The following C12orf42 variants were observed in gnomAD, a reference collection of about 807,000 sequenced individuals.
C12orf42 encodes uncharacterized protein C12orf42.
A neutral mutation model predicts 21.6 loss-of-function variants in C12orf42; 25 were observed. That is an observed-to-expected ratio of 1.16 (90% CI 0.84 to 1.62). The LOEUF is 1.62. Among genes scored for constraint, C12orf42 ranks in the 40% most tolerant of loss-of-function variants. The pLI, the probability that C12orf42 is intolerant of heterozygous loss-of-function variation, is 0.00. For missense variants in C12orf42, 483 were observed against 459.3 expected, an observed-to-expected ratio of 1.05 and a Z score of -0.47; for synonymous variants, 174 against 175.0, an observed-to-expected ratio of 0.99 and a Z score of 0.05.
At chr12:103,419,894 T>A (rs2049717723) in intron 2 of C12orf42, among the ~76,000 whole-genome samples, 3 of 152,176 alleles carry the variant, frequency 2.0e-5, no homozygotes, top group Admixed American at 2.0e-4. Flanking sequence ...AAACTAAATG[T>A]GTGCAAAGGG....
the C12orf42 span, among the ~76,000 whole-genome samples, chr12:103,524,930 A>C: frequency 2.6e-5 from 3 of 117,516 alleles, no homozygotes; most frequent in South Asian, 9.2e-4. Context: ...GGCTGGCCCA[A>C]CTAAATTGGA....
the C12orf42 span, among the ~76,000 whole-genome samples, chr12:103,502,358 T>C: frequency 2.0e-5 from 3 of 152,138 alleles, 1 homozygote; most frequent in Admixed American, 2.0e-4. Context: ...TTTTAAAAAA[T>C]AAATCAGATC....
chr12:103,433,459 T>C (rs1401628545), intron 2 of C12orf42, among the ~76,000 whole-genome samples: 1 of 152,216 alleles, frequency 6.6e-6, no homozygotes, highest in Non-Finnish European at 1.5e-5. Flanking sequence ...TGCCTCATAA[T>C]ATGATGCAAC....
At chr12:103,191,543 C>CAAAAAAAAAAAAAAAAAAAAAAAAAAAA in the C12orf42 span, among the ~76,000 whole-genome samples, 2 of 58,104 alleles carry the variant, frequency 3.4e-5, no homozygotes, top group Non-Finnish European at 5.8e-5. Context: ...CTCCACTCTA[C>CAAAAAAAAAAAAAAAAAAAAAAAAAAAA]AAAAAAAAAA....
chr12:103,542,458 G>A, the C12orf42 span, among the ~76,000 whole-genome samples: 2 of 152,228 alleles, frequency 1.3e-5, no homozygotes, highest in African/African-American at 4.8e-5. Context: ...ATCGATGCAG[G>A]TTTCAAGGCT....
At chr12:103,290,703 A>G (rs376420901) in intron 4 of C12orf42, among the ~76,000 whole-genome samples, 20 of 152,230 alleles carry the variant, frequency 1.3e-4, no homozygotes, top group East Asian at 5.8e-4. Flanking sequence ...CACACATTAT[A>G]GAAAGGTAAG....
At chr12:103,442,620 T>G (rs1951321467) in intron 2 of C12orf42, among the ~76,000 whole-genome samples, 1 of 152,178 alleles carries the variant, frequency 6.6e-6, no homozygotes, top group Admixed American at 6.5e-5. Context: ...TGATATACAC[T>G]GCATTATCAT....
At chr12:103,371,802 G>A (rs539808185) in intron 3 of C12orf42, among the ~76,000 whole-genome samples, 2 of 152,132 alleles carry the variant, frequency 1.3e-5, no homozygotes, top group Non-Finnish European at 2.9e-5. Flanking sequence ...CTCTATACAA[G>A]CTAGGGCAAC....
At chr12:103,549,327 C>T in the C12orf42 span, among the ~76,000 whole-genome samples, 1 of 152,104 alleles carries the variant, frequency 6.6e-6, no homozygotes, top group East Asian at 1.9e-4. Flanking sequence ...GCAGGGAGGT[C>T]CCATGCGTGT....
At chr12:103,477,276 T>C (rs1954125421) in intron 2 of C12orf42, among the ~76,000 whole-genome samples, 1 of 151,732 alleles carries the variant, frequency 6.6e-6, no homozygotes, top group South Asian at 2.1e-4. Flanking sequence ...GGCAGAGATA[T>C]GAACAAAGTA....
intron 3 of C12orf42, among the ~76,000 whole-genome samples, chr12:103,396,064 ATTATG>A (rs2047505440): frequency 6.7e-6 from 1 of 149,530 alleles, no homozygotes; most frequent in African/African-American, 2.5e-5. Flanking sequence ...TATATCAACT[ATTATG>A]TTATAACTTT....
the C12orf42 span, among the ~76,000 whole-genome samples, chr12:103,099,319 C>T: frequency 7.9e-5 from 12 of 152,330 alleles, no homozygotes; most frequent in African/African-American, 2.9e-4. Context: ...ATTTACTCAT[C>T]TCTATGTGTT....
chr12:103,523,631 A>G, the C12orf42 span, among the ~76,000 whole-genome samples: 144 of 151,170 alleles, frequency 9.5e-4, no homozygotes, highest in South Asian at 8.8e-3. Context: ...ATATATGTAT[A>G]TATATGTAGT....
At chr12:103,434,943 G>T (rs1190302466) in intron 2 of C12orf42, among the ~76,000 whole-genome samples, 4 of 152,230 alleles carry the variant, frequency 2.6e-5, no homozygotes, top group African/African-American at 9.6e-5. Context: ...CCACCTCGGG[G>T]GGCAGGGCAC....
intron 4 of C12orf42, among the ~76,000 whole-genome samples, chr12:103,351,172 A>G (rs2043070063): frequency 6.6e-6 from 1 of 152,186 alleles, no homozygotes; most frequent in Non-Finnish European, 1.5e-5. Context: ...TAAAGGTTTT[A>G]CTGTACATCG....
At chr12:103,358,270 G>A (rs1236350232) in intron 4 of C12orf42, among the ~76,000 whole-genome samples, 2 of 152,140 alleles carry the variant, frequency 1.3e-5, no homozygotes, top group African/African-American at 4.8e-5. Flanking sequence ...AATGGGAAGA[G>A]TGACATTCAA....
chr12:103,412,973 C>A (rs910630873), intron 2 of C12orf42, among the ~76,000 whole-genome samples: 1 of 152,096 alleles, frequency 6.6e-6, no homozygotes, highest in Admixed American at 6.6e-5. Context: ...TTAGGTCCCA[C>A]TTGTCTATGT....
the C12orf42 span, among the ~76,000 whole-genome samples, chr12:103,222,651 A>G: frequency 6.6e-6 from 1 of 152,122 alleles, no homozygotes; most frequent in African/African-American, 2.4e-5. Context: ...CTGGGGATGA[A>G]GGGAAGGCTT....
chr12:103,240,816 T>A (rs191389121), intron 10 of C12orf42, among the ~76,000 whole-genome samples: 108 of 152,312 alleles, frequency 7.1e-4, no homozygotes, highest in African/African-American at 2.5e-3. Flanking sequence ...CCAAGAAAAC[T>A]GTAGGCTCCT....
Sources: gnomAD v4.1 joint callset for allele counts (sites outside exome capture counted in the v4.1 genomes callset) on GRCh38, gnomAD v4.1.1 for gene constraint, MANE v1.5 for transcripts, NCBI Gene and HGNC (gene_info 2026-07-23, HGNC 2026-07-21) for gene names.